Variants in MAML2 observed in about 807,000 individuals in gnomAD.
MAML2 encodes mastermind-like protein 2.
Under a neutral mutation model 96.1 loss-of-function variants are expected in MAML2, and 22 were observed. That is an observed-to-expected ratio of 0.23 (90% CI 0.16 to 0.33). The LOEUF is 0.33. Ranked by LOEUF, MAML2 falls within the 10% of genes least tolerant of loss-of-function variation. The pLI is 1.00. For synonymous variants in MAML2, 561 were observed against 521.3 expected, an observed-to-expected ratio of 1.08 and a Z score of -1.04; for missense variants, 1,367 against 1,392.4, an observed-to-expected ratio of 0.98 and a Z score of 0.29.
At chr11:96,199,285 T>C (rs1861780992) in intron 1 of MAML2, among the ~76,000 whole-genome samples, 1 of 149,586 alleles carries the variant, frequency 6.7e-6, no homozygotes, top group South Asian at 2.1e-4. Context: ...GCTGGACCAC[T>C]AGCAGCCATC....
At chr11:96,260,149 C>T (rs1862727369) in intron 1 of MAML2, among the ~76,000 whole-genome samples, 1 of 151,162 alleles carries the variant, frequency 6.6e-6, no homozygotes, top group African/African-American at 2.4e-5. Context: ...GTGTGAATGC[C>T]TGTGTGTGTG....
rs1266749165 is a variant in MAML2 at position 95,978,513 on chromosome 11, A to AGAT, written c.*432_*434dup. 4 of 212,496 alleles carry AGAT rather than the reference A, an allele frequency of 1.9e-5. No individual in the cohort carries two copies. The highest frequency in any genetic ancestry group is 3.8e-5 in the Non-Finnish European group (4 of 105,282). The allele number at this position is 212,496 out of a possible 1,614,324, so 13.2% of individuals were successfully genotyped here. On this transcript the variant is annotated 3_prime_UTR_variant, in exon 5 of 5. Transcript: ENST00000524717. ...AATTAAATGAAAAGACACAATGGAA[A>AGAT]GATTAAACCATACCTATCTATTAGA...
intron 2 of MAML2, among the ~76,000 whole-genome samples, chr11:96,045,302 C>T (rs1195824391): frequency 6.6e-6 from 1 of 152,120 alleles, no homozygotes; most frequent in South Asian, 2.1e-4. Context: ...AGTATGGTGC[C>T]TGCATATTAC....
At position 96,015,423 on chromosome 11, in the gene MAML2, A is replaced by G. The variant is rs554088759; in HGVS notation, c.2140-23700T>C. ...TTTTAATTGAGATAATATGTGTAAA[A>G]AGTATTTTGTAAACACTGTACTCCA... On this transcript the variant is annotated intron_variant, in intron 2 of 4. Transcript: ENST00000524717. 2.6e-5 allele frequency among the ~76,000 whole-genome samples: 4 copies of G among 152,232 alleles called. No homozygotes were observed. In the East Asian group the frequency reaches 5.8e-4, roughly 22 times the overall value.
chr11:96,055,913 T>G (rs1859059172), intron 2 of MAML2, among the ~76,000 whole-genome samples: 1 of 152,198 alleles, frequency 6.6e-6, no homozygotes, highest in Non-Finnish European at 1.5e-5. Flanking sequence ...AGCAACAAAG[T>G]GAAAAGGTAA....
chr11:96,040,516 C>G (rs1442822130), intron 2 of MAML2, among the ~76,000 whole-genome samples: 3 of 152,128 alleles, frequency 2.0e-5, no homozygotes, highest in African/African-American at 7.2e-5. Flanking sequence ...CCTGTAATCC[C>G]AGCACTTTGG....
At chr11:96,101,356 G>T (rs963989670) in intron 1 of MAML2, among the ~76,000 whole-genome samples, 35 of 152,208 alleles carry the variant, frequency 2.3e-4, no homozygotes, top group African/African-American at 7.7e-4. Flanking sequence ...TCACTTCCCT[G>T]TGGAGAATGT....
chr11:96,296,287 T>C (rs1863297775), intron 1 of MAML2, among the ~76,000 whole-genome samples: 1 of 152,096 alleles, frequency 6.6e-6, no homozygotes, highest in Non-Finnish European at 1.5e-5. Flanking sequence ...GTTGAAAAAA[T>C]ACTACCCTAA....
At chr11:96,121,957 T>TTTTTTTTTC (rs1860353713) in intron 1 of MAML2, among the ~76,000 whole-genome samples, 1 of 20,852 alleles carries the variant, frequency 4.8e-5, no homozygotes, top group African/African-American at 1.7e-4. Flanking sequence ...CGGCTTTTTT[T>TTTTTTTTTC]TTTTTTTTTT....
chr11:96,169,070 G>A (rs560475899), intron 1 of MAML2, among the ~76,000 whole-genome samples: 3 of 152,184 alleles, frequency 2.0e-5, no homozygotes, highest in Admixed American at 6.5e-5. Context: ...TTTCTACGAT[G>A]GGTGGGTTAA....
chr11:96,281,972 A>G (rs1199356443), intron 1 of MAML2, among the ~76,000 whole-genome samples: 1 of 152,144 alleles, frequency 6.6e-6, no homozygotes, highest in Non-Finnish European at 1.5e-5. Flanking sequence ...ACTGTAGGCC[A>G]GGCGCGGTGG....
chr11:96,139,342 T>C (rs1860695354), intron 1 of MAML2, among the ~76,000 whole-genome samples: 1 of 151,914 alleles, frequency 6.6e-6, no homozygotes, highest in South Asian at 2.1e-4. Context: ...CCGGGCGTGG[T>C]GGCGGGCGCC....
intron 1 of MAML2, among the ~76,000 whole-genome samples, chr11:96,151,123 C>T (rs1860914347): frequency 1.3e-5 from 2 of 152,150 alleles, no homozygotes; most frequent in South Asian, 2.1e-4. Flanking sequence ...ACTTCAAACT[C>T]CCTCGTCTAA....
chr11:96,146,972 C>A (rs1860831932), intron 1 of MAML2, among the ~76,000 whole-genome samples: 2 of 152,188 alleles, frequency 1.3e-5, no homozygotes, highest in Non-Finnish European at 2.9e-5. Context: ...TCCTGGGGAT[C>A]ATGAGACTTG....
intron 1 of MAML2, among the ~76,000 whole-genome samples, chr11:96,275,904 A>C (rs1384101809): frequency 1.3e-5 from 2 of 152,170 alleles, no homozygotes; most frequent in African/African-American, 2.4e-5. Context: ...AAATATTTTA[A>C]CCCATAGAAG....
chr11:95,993,026 C>T (rs557431346), intron 2 of MAML2, among the ~76,000 whole-genome samples: 6 of 152,082 alleles, frequency 3.9e-5, no homozygotes, highest in Admixed American at 1.3e-4. Context: ...GGACCACAGG[C>T]GTGCGCCACC....
At position 96,311,713 on chromosome 11, in the gene MAML2, A is replaced by G. The variant is rs150529303; in HGVS notation, c.513+29670T>C. Among the ~76,000 whole-genome samples the G allele has an allele frequency of 1.4e-3, 210 of 152,356 alleles. 1 individual carries two copies. Among genetic ancestry groups the G allele is most frequent in the Non-Finnish European group, 2.5e-3 (173 of 68,038 alleles). On this transcript the variant is annotated intron_variant, in intron 1 of 4. Coordinates refer to ENST00000524717, the MANE Select transcript of MAML2 (RefSeq NM_032427.4). ...TTTTGGAATCTAACTTTGTTATAAT[A>G]GGGAGAATACCTCTATGATGGTTAA...
In MAML2 at chr11:96,140,669, G is replaced by A. The variant is rs935825888; in HGVS notation, c.514-47152C>T. Among the ~76,000 whole-genome samples, 6 of 152,262 alleles carry A rather than the reference G, an allele frequency of 3.9e-5. No homozygotes were observed. The East Asian group carries it at 7.7e-4, about 20-fold the overall frequency. On this transcript the variant is annotated intron_variant, in intron 1 of 4. Transcript: ENST00000524717. The stretch of plus-strand genomic sequence containing the variant: ...GCCCCTAGACGTCACTCTCTCCATC[G>A]TTCAGTAGTTCCCAAAGGACCTTCC...
At chr11:96,143,295 T>C (rs1451817152) in intron 1 of MAML2, among the ~76,000 whole-genome samples, 1 of 152,174 alleles carries the variant, frequency 6.6e-6, no homozygotes, top group Non-Finnish European at 1.5e-5. Flanking sequence ...ATATGCCTAA[T>C]TACAAAAGTC....
Sources: gnomAD v4.1 joint callset for allele counts (sites outside exome capture counted in the v4.1 genomes callset) on GRCh38, gnomAD v4.1.1 for gene constraint, MANE v1.5 for transcripts, NCBI Gene and HGNC (gene_info 2026-07-23, HGNC 2026-07-21) for gene names.